The following CCDC91 variants were observed in gnomAD, a reference collection of about 807,000 sequenced individuals.
CCDC91 encodes coiled-coil domain containing 91.
In CCDC91, 48 loss-of-function variants were observed where a neutral mutation model predicts 63.2. The observed-to-expected ratio is 0.76, with a 90% CI of 0.60 to 0.97. CCDC91 has a LOEUF of 0.97. Among genes scored for constraint, CCDC91 ranks in the 50% least tolerant of loss-of-function variants. The pLI is 0.00. For missense variants in CCDC91, 500 were observed against 494.6 expected (o/e 1.01, Z -0.10); for synonymous variants, 167 against 165.8 (o/e 1.01, Z -0.06).
intron 11 of CCDC91, among the ~76,000 whole-genome samples, chr12:28,476,780 A>C (rs1173778468): frequency 2.0e-5 from 3 of 152,184 alleles, no homozygotes; most frequent in Non-Finnish European, 4.4e-5. Flanking sequence ...AAAAATGATA[A>C]AGGGGATACC....
At chr12:28,219,628 C>T (rs1307996366) in intron 1 of CCDC91, among the ~76,000 whole-genome samples, 1 of 151,964 alleles carries the variant, frequency 6.6e-6, no homozygotes, top group Non-Finnish European at 1.5e-5. Context: ...TCTGCCAGCA[C>T]ACCTGGCTAA....
chr12:28,202,523 G>C (rs1456453835), intron 1 of CCDC91, among the ~76,000 whole-genome samples: 5 of 152,182 alleles, frequency 3.3e-5, no homozygotes. Flanking sequence ...TGCATGGTTA[G>C]TACTGGACAG....
chr12:28,337,444 A>G (rs778940412), intron 6 of CCDC91, among the ~76,000 whole-genome samples: 1 of 152,022 alleles, frequency 6.6e-6, no homozygotes, highest in African/African-American at 2.4e-5. Flanking sequence ...CTTGTTTTTT[A>G]TCTAGATCAT....
At chr12:28,539,137 T>A (rs1942430702) in intron 12 of CCDC91, among the ~76,000 whole-genome samples, 1 of 152,196 alleles carries the variant, frequency 6.6e-6, no homozygotes, top group Non-Finnish European at 1.5e-5. Flanking sequence ...CAATTTTGGC[T>A]TTTGTTGCCA....
At chr12:28,469,610 A>G (rs897586499) in intron 11 of CCDC91, among the ~76,000 whole-genome samples, 2 of 152,168 alleles carry the variant, frequency 1.3e-5, no homozygotes, top group African/African-American at 4.8e-5. Flanking sequence ...TGGAATCACA[A>G]AAGTCTCAGA....
chr12:28,462,272 G>A (rs1239299269), intron 11 of CCDC91, among the ~76,000 whole-genome samples: 2 of 151,944 alleles, frequency 1.3e-5, no homozygotes, highest in African/African-American at 4.8e-5. Flanking sequence ...TTATTCCAAG[G>A]GTTAAGAAGT....
intron 8 of CCDC91, among the ~76,000 whole-genome samples, chr12:28,413,962 C>T (rs1489572240): frequency 1.3e-5 from 2 of 152,122 alleles, no homozygotes; most frequent in Admixed American, 1.3e-4. Flanking sequence ...TCCCTTTTTG[C>T]CTGTTAGATA....
At chr12:28,463,232 T>C (rs1162118581) in intron 11 of CCDC91, among the ~76,000 whole-genome samples, 1 of 152,154 alleles carries the variant, frequency 6.6e-6, no homozygotes, top group Non-Finnish European at 1.5e-5. Flanking sequence ...GAGATGGAAA[T>C]GAGCACAGTG....
intron 11 of CCDC91, among the ~76,000 whole-genome samples, chr12:28,479,063 C>T (rs1383544929): frequency 6.6e-6 from 1 of 152,052 alleles, no homozygotes; most frequent in East Asian, 1.9e-4. Context: ...GGCGATTCCT[C>T]GAGGATCTAG....
chr12:28,445,888 A>G (rs2140278228), intron 8 of CCDC91, among the ~76,000 whole-genome samples: 1 of 152,272 alleles, frequency 6.6e-6, no homozygotes, highest in East Asian at 1.9e-4. Context: ...TCCAACTGCT[A>G]TCACATTGGG....
At chr12:28,223,766 T>G (rs2135711439) in intron 1 of CCDC91, among the ~76,000 whole-genome samples, 1 of 152,334 alleles carries the variant, frequency 6.6e-6, no homozygotes, top group South Asian at 2.1e-4. Context: ...TAGATTTAAT[T>G]TAATTCATTT....
chr12:28,413,179 T>G (rs1947427449), intron 8 of CCDC91, among the ~76,000 whole-genome samples: 2 of 152,168 alleles, frequency 1.3e-5, no homozygotes, highest in Non-Finnish European at 2.9e-5. Context: ...AACTACTCAT[T>G]CCCTGGGCAT....
intron 12 of CCDC91, among the ~76,000 whole-genome samples, chr12:28,523,404 T>G (rs1329954037): frequency 2.0e-5 from 3 of 152,148 alleles, no homozygotes; most frequent in African/African-American, 4.8e-5. Flanking sequence ...AACCCCTGCC[T>G]TTTTTTGTTT....
At chr12:28,197,137 T>C (rs1470661046) in intron 1 of CCDC91, among the ~76,000 whole-genome samples, 1 of 152,126 alleles carries the variant, frequency 6.6e-6, no homozygotes, top group Non-Finnish European at 1.5e-5. Flanking sequence ...TTATATCCAC[T>C]GCCTCTGTTT....
At chr12:28,436,112 A>G (rs1948890938) in intron 8 of CCDC91, among the ~76,000 whole-genome samples, 1 of 151,832 alleles carries the variant, frequency 6.6e-6, no homozygotes. Flanking sequence ...TCTATTTAGC[A>G]TAGTGTCTAC....
At chr12:28,478,284 A>G (rs938181067) in intron 11 of CCDC91, among the ~76,000 whole-genome samples, 4 of 152,172 alleles carry the variant, frequency 2.6e-5, no homozygotes, top group African/African-American at 9.7e-5. Context: ...ATGGAACAGA[A>G]CGGAGCCCTC....
chr12:28,200,575 A>G (rs1342923439), intron 1 of CCDC91, among the ~76,000 whole-genome samples: 2 of 149,212 alleles, frequency 1.3e-5, no homozygotes, highest in Non-Finnish European at 3.0e-5. Flanking sequence ...GACACAGCAC[A>G]TGATTCAGAG....
At chr12:28,460,797 G>A (rs914843386) in intron 11 of CCDC91, among the ~76,000 whole-genome samples, 3 of 150,826 alleles carry the variant, frequency 2.0e-5, no homozygotes, top group East Asian at 3.9e-4. Flanking sequence ...ATATCTGTAT[G>A]TGTGTGTGTG....
At chr12:28,490,523 A>T (rs571651497) in intron 12 of CCDC91, among the ~76,000 whole-genome samples, 1 of 151,992 alleles carries the variant, frequency 6.6e-6, no homozygotes, top group South Asian at 2.1e-4. Context: ...ATTTGGATTT[A>T]GAAAAATAAC....
Sources: gnomAD v4.1 joint callset for allele counts (sites outside exome capture counted in the v4.1 genomes callset) on GRCh38, gnomAD v4.1.1 for gene constraint, MANE v1.5 for transcripts, NCBI Gene and HGNC (gene_info 2026-07-23, HGNC 2026-07-21) for gene names.